Variants in ARRB1 observed in about 807,000 individuals in gnomAD.
The protein encoded by ARRB1 is arrestin beta 1, also known as beta-arrestin-1.
ARRB1 carries 21 observed loss-of-function variants against 56.8 expected under a neutral mutation model. The observed-to-expected ratio is 0.37, with a 90% CI of 0.26 to 0.53. The LOEUF (loss-of-function observed/expected upper bound fraction) is 0.53, where lower values mean the gene tolerates loss of function less well. Among genes scored for constraint, ARRB1 ranks in the 20% least tolerant of loss-of-function variants. The pLI is 0.88. For synonymous variants in ARRB1, 210 were observed against 218.6 expected (o/e 0.96, Z 0.35); for missense variants, 424 against 553.7 (o/e 0.77, Z 2.35).
intron 1 of ARRB1, among the ~76,000 whole-genome samples, chr11:75,292,610 G>C (rs1946637086): frequency 1.3e-5 from 2 of 152,140 alleles, no homozygotes; most frequent in African/African-American, 4.8e-5. Context: ...CGGCCACAAG[G>C]GACTCCACCT....
At chr11:75,351,369 G>A (rs930691891) in intron 1 of ARRB1, among the ~76,000 whole-genome samples, 5 of 152,340 alleles carry the variant, frequency 3.3e-5, no homozygotes, top group Middle Eastern at 3.4e-3. Flanking sequence ...CGGGCCAGGA[G>A]CTGCGGCCCA....
chr11:75,267,912 C>T (rs1945967324), intron 14 of ARRB1, among the ~76,000 whole-genome samples: 1 of 152,152 alleles, frequency 6.6e-6, no homozygotes, highest in African/African-American at 2.4e-5. Context: ...AGGAGGGCCC[C>T]GGATCCCCAC....
chr11:75,285,901 G>A (rs1474291158), intron 3 of ARRB1, among the ~76,000 whole-genome samples: 37 of 152,210 alleles, frequency 2.4e-4, no homozygotes, highest in Non-Finnish European at 5.4e-4. Flanking sequence ...ACAACATGAA[G>A]CAGCCACAGA....
intron 15 of ARRB1, among the ~76,000 whole-genome samples, chr11:75,266,572 C>T (rs1462779350): frequency 6.6e-6 from 1 of 152,138 alleles, no homozygotes; most frequent in African/African-American, 2.4e-5. Flanking sequence ...TAACCTGGTT[C>T]TTTAGGAGGT....
At chr11:75,294,449 C>T (rs769169528) in intron 1 of ARRB1, among the ~76,000 whole-genome samples, 2 of 151,838 alleles carry the variant, frequency 1.3e-5, no homozygotes, top group Non-Finnish European at 2.9e-5. Context: ...CCCAGCTATT[C>T]GGGAGGCTGA....
At chr11:75,289,850 A>AAG (rs1011470386) in intron 2 of ARRB1, among the ~76,000 whole-genome samples, 159 bp downstream of exon 2, 1 of 152,164 alleles carries the variant, frequency 6.6e-6, no homozygotes, top group Admixed American at 6.5e-5. Flanking sequence ...TGACAGCTCC[A>AAG]AGAGAGAGAG....
chr11:75,269,091 C>G (rs1186910788), intron 13 of ARRB1, 132 bp from the exon 14 acceptor site: 1 of 960,426 alleles, frequency 1.0e-6, no homozygotes, highest in Non-Finnish European at 1.6e-6. Context: ...AAGATGCCCT[C>G]CAGCCCCAGT....
chr11:75,273,678 C>A (rs968150617), intron 11 of ARRB1, among the ~76,000 whole-genome samples: 3 of 92,816 alleles, frequency 3.2e-5, no homozygotes, highest in Admixed American at 1.3e-4. Flanking sequence ...GCCCTGGGAC[C>A]CCTGACTTGG....
intron 1 of ARRB1, among the ~76,000 whole-genome samples, chr11:75,324,085 ATGT>A (rs1453130584): frequency 1.3e-5 from 2 of 152,208 alleles, no homozygotes; most frequent in African/African-American, 4.8e-5. Context: ...AGTGTTAGAA[ATGT>A]TGTTTCTAAA....
chr11:75,348,272 C>T (rs1440853839), intron 1 of ARRB1, among the ~76,000 whole-genome samples: 1 of 152,238 alleles, frequency 6.6e-6, no homozygotes, highest in East Asian at 1.9e-4. Flanking sequence ...ATCCCGCCCC[C>T]TTGGCCTATT....
chr11:75,314,996 C>T (rs1470537395), intron 1 of ARRB1, among the ~76,000 whole-genome samples: 2 of 151,440 alleles, frequency 1.3e-5, no homozygotes, highest in African/African-American at 2.4e-5. Context: ...GCTGCTCTTT[C>T]CATTGAGAGA....
chr11:75,311,515 G>T (rs4945006), intron 1 of ARRB1, among the ~76,000 whole-genome samples: 8,460 of 152,252 alleles, frequency 0.056, 333 homozygotes, highest in Non-Finnish European at 0.086. Context: ...AGAAGAGAAC[G>T]TTAAAGGAAC....
chr11:75,318,776 A>C lies in ARRB1; in HGVS notation c.21-28737T>G, dbSNP rs1202884559. Among the ~76,000 whole-genome samples, 4 of 152,126 alleles carry C rather than the reference A, an allele frequency of 2.6e-5. No homozygotes were observed. The East Asian group carries it at 7.7e-4, about 29-fold the overall frequency. On this transcript the variant is annotated intron_variant, in intron 1 of 15. Coordinates refer to ENST00000420843, the MANE Select transcript of ARRB1 (RefSeq NM_004041.5). ...ATAGGAGTGAGCCACTGCGCCCAAC[A>C]TAACTGTTGCATTTCTAAAGGGGAT...
chr11:75,305,735 G>A (rs907000762), intron 1 of ARRB1, among the ~76,000 whole-genome samples: 6 of 151,838 alleles, frequency 4.0e-5, no homozygotes, highest in Non-Finnish European at 7.4e-5. Flanking sequence ...GAATGTGGTC[G>A]TGTGCACGCA....
intron 1 of ARRB1, among the ~76,000 whole-genome samples, chr11:75,347,509 T>C (rs1947789114): frequency 6.6e-6 from 1 of 152,208 alleles, no homozygotes; most frequent in African/African-American, 2.4e-5. Context: ...TCCTTCATGT[T>C]GTCTGTTGAG....
chr11:75,280,242 G>A (rs1946295550), intron 7 of ARRB1, among the ~76,000 whole-genome samples: 1 of 152,182 alleles, frequency 6.6e-6, no homozygotes, highest in Admixed American at 6.5e-5. Flanking sequence ...AAGAGGAAAA[G>A]GGAGACAGAG....
At chr11:75,295,724 C>T (rs562863589) in intron 1 of ARRB1, among the ~76,000 whole-genome samples, 10 of 152,334 alleles carry the variant, frequency 6.6e-5, no homozygotes, top group Admixed American at 5.2e-4. Context: ...CTTTCCTTTG[C>T]CACTGAAACC....
rs149963586 is a variant in ARRB1 at position 75,345,297 on chromosome 11, G to A, written c.20+6291C>T. On this transcript the variant is annotated intron_variant, in intron 1 of 15. Coordinates refer to ENST00000420843, the MANE Select transcript of ARRB1 (RefSeq NM_004041.5). ...GGCGCGTCTCCCGAGAGATGACCCT[G>A]CCAGGGCCCCTTAGGGAAGGCGGGA... is the stretch of plus-strand genomic sequence containing the variant. Among the ~76,000 whole-genome samples, 252 of 152,234 alleles carry A rather than the reference G, an allele frequency of 1.7e-3. 1 individual carries two copies. Among genetic ancestry groups the A allele is most frequent in the Middle Eastern group, 6.8e-3 (2 of 294 alleles).
intron 1 of ARRB1, among the ~76,000 whole-genome samples, chr11:75,332,442 T>G (rs950516644): frequency 1.3e-5 from 2 of 152,204 alleles, no homozygotes; most frequent in Non-Finnish European, 2.9e-5. Context: ...AAGGTCTGAA[T>G]AGGAAACATT....
Sources: allele counts gnomAD v4.1 joint callset (sites outside exome capture counted in the v4.1 genomes callset), GRCh38; gene constraint gnomAD v4.1.1; transcripts MANE v1.5; gene names NCBI Gene and HGNC (gene_info 2026-07-23, HGNC 2026-07-21).